Variants in CREB5 observed in about 807,000 individuals in gnomAD.
The protein encoded by CREB5 is cAMP responsive element binding protein 5, also known as cyclic AMP-responsive element-binding protein 5.
In CREB5, 19 loss-of-function variants were observed where a neutral mutation model predicts 57.1. The ratio of observed to expected loss-of-function variants is 0.33; its 90% CI spans 0.23 to 0.49. The LOEUF (loss-of-function observed/expected upper bound fraction) is 0.49, where lower values mean the gene tolerates loss of function less well. CREB5 is among the 20% of genes least tolerant of loss of function. The probability of loss-of-function intolerance (pLI) is 0.99; values close to 1 mark genes in which losing one functional copy is unlikely to be tolerated. For missense variants in CREB5, 579 were observed against 671.6 expected, an observed-to-expected ratio of 0.86 and a Z score of 1.52; for synonymous variants, 238 against 238.3, an observed-to-expected ratio of 1.00 and a Z score of 0.01.
At chr7:28,573,354 T>G (rs755085377) in intron 5 of CREB5, among the ~76,000 whole-genome samples, 1 of 152,236 alleles carries the variant, frequency 6.6e-6, no homozygotes. Flanking sequence ...AGTGTCAAAA[T>G]CTGGCCAAGC....
chr7:28,558,247 A>T (rs1223419025), intron 4 of CREB5, among the ~76,000 whole-genome samples: 1 of 152,220 alleles, frequency 6.6e-6, no homozygotes, highest in Non-Finnish European at 1.5e-5. Context: ...ATGACGACTA[A>T]GTTTGGTTGG....
At chr7:28,572,055 A>G (rs1045501937) in intron 5 of CREB5, among the ~76,000 whole-genome samples, 1 of 152,204 alleles carries the variant, frequency 6.6e-6, no homozygotes, top group African/African-American at 2.4e-5. Flanking sequence ...TGTTATAAGA[A>G]TTCCAGACCT....
intron 1 of CREB5, among the ~76,000 whole-genome samples, chr7:28,320,893 G>A (rs775117766): frequency 1.3e-5 from 2 of 152,226 alleles, no homozygotes; most frequent in Non-Finnish European, 1.5e-5. Context: ...AGGTGCAGGT[G>A]CAAGTATATG....
At chr7:28,803,052 C>T (rs953758784) in intron 7 of CREB5, among the ~76,000 whole-genome samples, 1 of 152,232 alleles carries the variant, frequency 6.6e-6, no homozygotes, top group Admixed American at 6.5e-5. Context: ...GACTATCTGA[C>T]TCTTTATAGA....
At chr7:28,571,134 G>A (rs954367273) in intron 5 of CREB5, among the ~76,000 whole-genome samples, 1 of 152,154 alleles carries the variant, frequency 6.6e-6, no homozygotes, top group Non-Finnish European at 1.5e-5. Flanking sequence ...ACGGTGGACA[G>A]GAGGGATGAT....
chr7:28,450,956 C>A (rs986683575), intron 1 of CREB5, among the ~76,000 whole-genome samples: 1 of 152,170 alleles, frequency 6.6e-6, no homozygotes, highest in Non-Finnish European at 1.5e-5. Context: ...CTAGAAGGAA[C>A]TCTAGGTCTA....
At chr7:28,566,480 C>T (rs1795484349) in intron 4 of CREB5, among the ~76,000 whole-genome samples, 1 of 152,216 alleles carries the variant, frequency 6.6e-6, no homozygotes. Flanking sequence ...CACATCTACC[C>T]CTCTGTACTA....
intron 5 of CREB5, among the ~76,000 whole-genome samples, chr7:28,620,580 T>A (rs1421741542): frequency 1.3e-5 from 2 of 152,190 alleles, no homozygotes; most frequent in Non-Finnish European, 2.9e-5. Flanking sequence ...ACAAATTATA[T>A]TTGGCCTCGT....
At chr7:28,433,850 T>A (rs1788829639) in intron 1 of CREB5, among the ~76,000 whole-genome samples, 1 of 151,812 alleles carries the variant, frequency 6.6e-6, no homozygotes, top group Non-Finnish European at 1.5e-5. Flanking sequence ...TCAGTTATAA[T>A]CTTCCTCATA....
At chr7:28,698,418 G>A (rs1279760677) in intron 5 of CREB5, among the ~76,000 whole-genome samples, 3 of 150,056 alleles carry the variant, frequency 2.0e-5, no homozygotes, top group African/African-American at 7.4e-5. Flanking sequence ...TTTCGAGTCA[G>A]GCAATTACCA....
chr7:28,523,413 G>T (rs1793295471), intron 4 of CREB5, among the ~76,000 whole-genome samples: 1 of 152,178 alleles, frequency 6.6e-6, no homozygotes, highest in African/African-American at 2.4e-5. Context: ...CCCAGGTGCT[G>T]TGCTAGTTGG....
intron 1 of CREB5, among the ~76,000 whole-genome samples, chr7:28,384,694 T>C (rs748605680): frequency 3.3e-5 from 5 of 151,838 alleles, no homozygotes; most frequent in Non-Finnish European, 7.4e-5. Context: ...TAAGATAGTA[T>C]AGTTATCATC....
chr7:28,613,647 T>A (rs1216781659), intron 5 of CREB5, among the ~76,000 whole-genome samples: 1 of 152,232 alleles, frequency 6.6e-6, no homozygotes, highest in Non-Finnish European at 1.5e-5. Flanking sequence ...CTGCCCTGTG[T>A]CTCGTTTGAA....
chr7:28,757,629 C>T (rs1245899945), intron 7 of CREB5, among the ~76,000 whole-genome samples: 2 of 150,824 alleles, frequency 1.3e-5, no homozygotes, highest in Non-Finnish European at 2.9e-5. Context: ...GCCGAGATCA[C>T]GCCACTGCAC....
intron 5 of CREB5, among the ~76,000 whole-genome samples, chr7:28,636,792 C>A (rs1798438126): frequency 6.6e-6 from 1 of 152,146 alleles, no homozygotes. Flanking sequence ...CCTCATCACC[C>A]TTTCTGTGGT....
At chr7:28,702,339 C>T (rs1225989243) in intron 5 of CREB5, among the ~76,000 whole-genome samples, 2 of 152,162 alleles carry the variant, frequency 1.3e-5, no homozygotes, top group Admixed American at 6.5e-5. Context: ...CAGTATTACC[C>T]GAAAGCAAAA....
intron 8 of CREB5, among the ~76,000 whole-genome samples, chr7:28,806,578 C>G (rs543306688): frequency 1.3e-5 from 2 of 152,278 alleles, no homozygotes; most frequent in South Asian, 4.1e-4. Context: ...AAATTACAAG[C>G]GACAATAATT....
At chr7:28,505,068 C>T (rs1445034134) in intron 3 of CREB5, among the ~76,000 whole-genome samples, 1 of 152,152 alleles carries the variant, frequency 6.6e-6, no homozygotes, top group Non-Finnish European at 1.5e-5. Flanking sequence ...CATTATCAGG[C>T]CTGGGGCAGG....
At chr7:28,592,838 C>A (rs1796571842) in intron 5 of CREB5, among the ~76,000 whole-genome samples, 1 of 152,170 alleles carries the variant, frequency 6.6e-6, no homozygotes, top group Non-Finnish European at 1.5e-5. Flanking sequence ...ACCTACTTAC[C>A]AAATCCCTCT....
Sources: allele counts gnomAD v4.1 joint callset (sites outside exome capture counted in the v4.1 genomes callset), GRCh38; gene constraint gnomAD v4.1.1; transcripts MANE v1.5; gene names NCBI Gene and HGNC (gene_info 2026-07-23, HGNC 2026-07-21).